SATB2: variants seen among roughly 807,000 people sequenced by gnomAD.
SATB2 encodes the protein SATB homeobox 2.
A neutral mutation model predicts 73.4 loss-of-function variants in SATB2; 1 was observed. That is an observed-to-expected ratio of 0.01 (90% CI 0.00 to 0.06). The LOEUF (loss-of-function observed/expected upper bound fraction) is 0.06, where lower values mean the gene tolerates loss of function less well. Ranked by LOEUF, SATB2 falls within the 10% of genes least tolerant of loss-of-function variation. SATB2 has a pLI of 1.00. For synonymous variants in SATB2, 397 were observed against 367.0 expected (o/e 1.08, Z -0.93); for missense variants, 459 against 945.8 (o/e 0.49, Z 6.75).
chr2:199,284,528 C>T (rs1692627632), intron 10 of SATB2, among the ~76,000 whole-genome samples: 1 of 152,128 alleles, frequency 6.6e-6, no homozygotes, highest in African/African-American at 2.4e-5. Context: ...ATTTGCCTCA[C>T]CAGCGTCAAC....
chr2:199,305,475 G>C (rs1402172449), intron 10 of SATB2, among the ~76,000 whole-genome samples: 3 of 152,104 alleles, frequency 2.0e-5, no homozygotes, highest in Admixed American at 2.0e-4. Flanking sequence ...TAATGAACCT[G>C]TACATGTACC....
chr2:199,394,106 T>C (rs766303023), intron 3 of SATB2, among the ~76,000 whole-genome samples: 1 of 152,176 alleles, frequency 6.6e-6, no homozygotes, highest in Non-Finnish European at 1.5e-5. Flanking sequence ...AACACAATCA[T>C]TAGGACACGA....
intron 10 of SATB2, among the ~76,000 whole-genome samples, chr2:199,301,979 T>C (rs1687300987): frequency 6.6e-6 from 1 of 151,898 alleles, no homozygotes; most frequent in Non-Finnish European, 1.5e-5. Context: ...TACTCAAGAG[T>C]CCTACACCTG....
intron 10 of SATB2, among the ~76,000 whole-genome samples, chr2:199,301,323 A>G (rs1038637805): frequency 2.0e-5 from 3 of 152,108 alleles, no homozygotes; most frequent in Non-Finnish European, 2.9e-5. Context: ...TTTGTTCTAG[A>G]CTTGTTAATC....
chr2:199,301,855 AAAG>A (rs1303620426), intron 10 of SATB2, among the ~76,000 whole-genome samples: 3 of 152,146 alleles, frequency 2.0e-5, no homozygotes, highest in Non-Finnish European at 4.4e-5. Flanking sequence ...CTTGTAGTGG[AAAG>A]AAGTTGACAT....
At chr2:199,312,596 C>T (rs1449445790) in intron 9 of SATB2, among the ~76,000 whole-genome samples, 3 of 152,088 alleles carry the variant, frequency 2.0e-5, no homozygotes, top group Non-Finnish European at 2.9e-5. Flanking sequence ...TGTAAAAGGA[C>T]GGGTTAACAA....
intron 3 of SATB2, among the ~76,000 whole-genome samples, chr2:199,426,168 T>TCC: frequency 6.6e-6 from 1 of 152,076 alleles, no homozygotes; most frequent in East Asian, 1.9e-4. Context: ...AAAAAACTGC[T>TCC]GAAAGTCTCC....
chr2:199,376,020 G>C (rs568826634), intron 5 of SATB2, among the ~76,000 whole-genome samples: 2 of 152,122 alleles, frequency 1.3e-5, no homozygotes. Context: ...AAATAGGCGC[G>C]CTTATCTCCA....
intron 6 of SATB2, among the ~76,000 whole-genome samples, chr2:199,366,929 C>G (rs1689303496): frequency 6.6e-6 from 1 of 151,814 alleles, no homozygotes; most frequent in South Asian, 2.1e-4. Flanking sequence ...CACAAACACA[C>G]ACACACATTC....
chr2:199,390,123 C>T (rs1187425823), intron 3 of SATB2, among the ~76,000 whole-genome samples: 4 of 151,722 alleles, frequency 2.6e-5, no homozygotes, highest in Admixed American at 6.6e-5. Flanking sequence ...CAAAATTATT[C>T]CACAAATTAA....
chr2:199,456,189 C>G lies in SATB2; in HGVS notation c.-59-93G>C. The G allele has an allele frequency of 3.8e-6, 3 of 782,918 alleles. No homozygotes were observed. The East Asian group carries it at 8.0e-5, about 21-fold the overall frequency. The allele number at this position is 782,918 out of a possible 1,614,324, so 48.5% of individuals were successfully genotyped here. A position where few individuals can be genotyped will look rare whatever the true frequency, so the allele number is the denominator to read the frequency against. ...AGACGTTCAGGCCAGTGGCAGAGCG[C>G]TGCACCACAGCCACACAAACTTCCT... is the stretch of plus-strand genomic sequence containing the variant. On this transcript the variant is annotated intron_variant, in intron 1 of 10. Transcript: ENST00000417098.
intron 6 of SATB2, among the ~76,000 whole-genome samples, chr2:199,363,454 A>AAAACAATT (rs1689195870): frequency 6.6e-6 from 1 of 152,228 alleles, no homozygotes; most frequent in Non-Finnish European, 1.5e-5. Flanking sequence ...TTGAATTCAT[A>AAAACAATT]GAAGTAGAGA....
At chr2:199,357,373 T>A (rs946740815) in intron 6 of SATB2, among the ~76,000 whole-genome samples, 1 of 152,206 alleles carries the variant, frequency 6.6e-6, no homozygotes, top group African/African-American at 2.4e-5. Flanking sequence ...AACAGTTGAA[T>A]CAGCTAGTCA....
intron 6 of SATB2, among the ~76,000 whole-genome samples, chr2:199,362,186 A>G (rs1181147476): frequency 6.6e-6 from 1 of 152,142 alleles, no homozygotes; most frequent in Non-Finnish European, 1.5e-5. Context: ...CATTCTAGAC[A>G]TTCTGGATAG....
intron 3 of SATB2, among the ~76,000 whole-genome samples, chr2:199,427,294 AT>A (rs1193326108): frequency 1.3e-5 from 2 of 152,124 alleles, no homozygotes; most frequent in Non-Finnish European, 2.9e-5. Context: ...TCAGAAAAGA[AT>A]TTTTTTAAGT....
In SATB2 at chr2:199,368,211, C is replaced by T. The variant is rs770184966; in HGVS notation, c.700+394G>A. 5.3e-5 allele frequency among the ~76,000 whole-genome samples: 8 copies of T among 152,074 alleles called. No individual in the cohort carries two copies. The East Asian group carries it at 1.4e-3, about 26-fold the overall frequency. ...CGTGTTTTCACCACTGCTCTGGAAT[C>T]GTCGACACAGGAACACAACATCAAA... On this transcript the variant is annotated intron_variant, in intron 6 of 10. Transcript: ENST00000417098.
chr2:199,354,059 G>C (rs1320213450), intron 6 of SATB2, among the ~76,000 whole-genome samples: 2 of 152,110 alleles, frequency 1.3e-5, no homozygotes, highest in African/African-American at 2.4e-5. Context: ...TAAAGAGACA[G>C]TAAAAACACA....
intron 3 of SATB2, among the ~76,000 whole-genome samples, chr2:199,388,242 A>G (rs1012101741): frequency 6.6e-6 from 1 of 152,216 alleles, no homozygotes; most frequent in Non-Finnish European, 1.5e-5. Flanking sequence ...AACATAAGTC[A>G]CTAAGATGCA....
intron 6 of SATB2, among the ~76,000 whole-genome samples, chr2:199,367,991 T>C (rs994589353): frequency 2.6e-5 from 4 of 152,134 alleles, no homozygotes; most frequent in African/African-American, 9.7e-5. Flanking sequence ...ATACTATTAT[T>C]TGTCAAGAGG....
Sources: gnomAD v4.1 joint callset for allele counts (sites outside exome capture counted in the v4.1 genomes callset) on GRCh38, gnomAD v4.1.1 for gene constraint, MANE v1.5 for transcripts, NCBI Gene and HGNC (gene_info 2026-07-23, HGNC 2026-07-21) for gene names.